Variants in TENM3 observed in about 807,000 individuals in gnomAD.
TENM3 encodes teneurin-3.
TENM3 carries 63 observed loss-of-function variants against 255.1 expected under a neutral mutation model. That is an observed-to-expected ratio of 0.25 (90% CI 0.20 to 0.30). The LOEUF (loss-of-function observed/expected upper bound fraction) is 0.30, where lower values mean the gene tolerates loss of function less well. Ranked by LOEUF, TENM3 falls within the 10% of genes least tolerant of loss-of-function variation. The probability of loss-of-function intolerance (pLI) is 1.00; values close to 1 mark genes in which losing one functional copy is unlikely to be tolerated. For synonymous variants in TENM3, 1,306 were observed against 1,322.3 expected, an observed-to-expected ratio of 0.99 and a Z score of 0.27; for missense variants, 2,929 against 3,461.1, an observed-to-expected ratio of 0.85 and a Z score of 3.86.
chr4:182,688,078 T>G (rs1445814795), intron 11 of TENM3, 88 bp from the exon 12 acceptor site: 6 of 1,258,080 alleles, frequency 4.8e-6, no homozygotes, highest in Middle Eastern at 2.0e-4. Context: ...TGAACAAATT[T>G]GTGTGGAAGA....
rs768189750 is a variant in TENM3 at position 182,792,461 on chromosome 4, A to G, written c.5789A>G (p.Glu1930Gly). The G allele has an allele frequency of 1.1e-5, 17 of 1,614,060 alleles. No homozygotes were observed. The Admixed American group carries it at 1.7e-4, about 16-fold the overall frequency. Residue 1930 changes from glutamate (E) to glycine (G), a missense_variant, in exon 26 of 28, where the codon GAG becomes GGG. By Grantham distance (98) the Glu-to-Gly change is moderately conservative (BLOSUM62 -2). Transcript: ENST00000511685. The surrounding 1 kb of genome is among the most constrained non-coding windows in gnomAD (Gnocchi z 6.3). ...GCCTCCATCATCACGGACTACAACG[A>G]GGAAGGGCTGCTTCTACAAACAGCT... Reference protein sequence around the residue: ...SNASIITDYNEEGLLLQTAFL... With the variant: ...SNASIITDYNGEGLLLQTAFL...
the TENM3 span, among the ~76,000 whole-genome samples, chr4:182,036,141 T>C: frequency 6.6e-6 from 1 of 152,128 alleles, no homozygotes; most frequent in Non-Finnish European, 1.5e-5. Flanking sequence ...TTCTGTGCTG[T>C]GGTCCTACAG....
In TENM3 at chr4:182,161,786, A is replaced by AATAT. The variant is rs1202629937; in HGVS notation, c.-76+17035_-76+17038dup. ...ATATATGTGTATATATATATACACA[A>AATAT]ATATATGTATATATATACACATATA... On this transcript the variant is annotated intron_variant, in intron 1 of 2. Transcript: ENST00000512480. Among the ~76,000 whole-genome samples the AATAT allele has an allele frequency of 1.1e-3, 20 of 18,492 alleles. 7 individuals carry two copies. The highest frequency in any genetic ancestry group is 1.8e-3 in the Non-Finnish European group (18 of 9,866). 12.1% of individuals were successfully genotyped at this position (18,492 alleles called of 152,430 possible).
intron 5 of TENM3, among the ~76,000 whole-genome samples, chr4:182,637,572 T>A (rs2152487424): frequency 6.6e-6 from 1 of 152,336 alleles, no homozygotes; most frequent in East Asian, 1.9e-4. Flanking sequence ...TCCAGTTTCT[T>A]CTTTAGTGAC....
chr4:181,796,245 T>C, the TENM3 span, among the ~76,000 whole-genome samples: 1 of 152,182 alleles, frequency 6.6e-6, no homozygotes, highest in Non-Finnish European at 1.5e-5. Context: ...CAAAAGTGTA[T>C]TAGACAGCCA....
intron 12 of TENM3, among the ~76,000 whole-genome samples, chr4:182,701,748 T>C (rs10434298): frequency 0.91 from 138,530 of 152,226 alleles, 63,449 homozygotes; most frequent in East Asian, 1. Context: ...AGTCTAGATA[T>C]GCAATTATGA....
the TENM3 span, among the ~76,000 whole-genome samples, chr4:181,899,622 C>A: frequency 6.6e-6 from 1 of 151,978 alleles, no homozygotes; most frequent in African/African-American, 2.4e-5. Context: ...GGCTGGAGTG[C>A]AGTGGCGCGA....
chr4:182,058,089 AT>A, the TENM3 span, among the ~76,000 whole-genome samples: 1 of 146,058 alleles, frequency 6.8e-6, no homozygotes, highest in African/African-American at 2.5e-5. Context: ...CTAATTCTTA[AT>A]TAAATAAGAA....
At chr4:181,644,407 T>A in the TENM3 span, among the ~76,000 whole-genome samples, 1 of 150,368 alleles carries the variant, frequency 6.7e-6, no homozygotes, top group Admixed American at 6.6e-5. Context: ...CAGAATTGCC[T>A]GCAAAAAGGT....
At chr4:181,643,510 A>T in the TENM3 span, among the ~76,000 whole-genome samples, 1 of 152,128 alleles carries the variant, frequency 6.6e-6, no homozygotes, top group African/African-American at 2.4e-5. Context: ...TGCCCTGGCC[A>T]GAGTGTTACT....
At chr4:181,518,278 A>G in the TENM3 span, among the ~76,000 whole-genome samples, 1 of 152,132 alleles carries the variant, frequency 6.6e-6, no homozygotes. Flanking sequence ...ACTAACAGAT[A>G]TGTAAACTGT....
At chr4:182,437,039 A>T (rs1234127464) in intron 3 of TENM3, among the ~76,000 whole-genome samples, 1 of 152,130 alleles carries the variant, frequency 6.6e-6, no homozygotes, top group Non-Finnish European at 1.5e-5. Flanking sequence ...CAAAAAAAAA[A>T]AAAAATGCAC....
intron 12 of TENM3, among the ~76,000 whole-genome samples, chr4:182,696,640 G>A (rs201811337): frequency 4.6e-5 from 7 of 151,920 alleles, no homozygotes; most frequent in Non-Finnish European, 1.0e-4. Context: ...CAGGAGAATC[G>A]CTTGAACCAG....
chr4:181,957,198 GCA>G, the TENM3 span, among the ~76,000 whole-genome samples: 31 of 152,270 alleles, frequency 2.0e-4, 1 homozygote, highest in East Asian at 6.0e-3. Flanking sequence ...ATGCTGTTCT[GCA>G]CAGTTTATTT....
At chr4:182,046,305 A>C in the TENM3 span, among the ~76,000 whole-genome samples, 2 of 152,184 alleles carry the variant, frequency 1.3e-5, no homozygotes, top group African/African-American at 4.8e-5. Context: ...TTTATATCTC[A>C]GTTTCTTAAT....
the TENM3 span, among the ~76,000 whole-genome samples, chr4:181,814,608 G>A: frequency 1.3e-5 from 2 of 152,074 alleles, no homozygotes. Flanking sequence ...GTGTGTGTGT[G>A]TGCATGCAAC....
chr4:181,460,678 C>CTTTTT, the TENM3 span, among the ~76,000 whole-genome samples: 12 of 136,852 alleles, frequency 8.8e-5, no homozygotes, highest in East Asian at 6.3e-4. Context: ...AGCTATAGTT[C>CTTTTT]TTTTTTTTTT....
At chr4:181,891,003 C>T in the TENM3 span, among the ~76,000 whole-genome samples, 4 of 152,148 alleles carry the variant, frequency 2.6e-5, no homozygotes, top group African/African-American at 9.7e-5. Context: ...ACAATCTAAG[C>T]ATTTTTGCTT....
the TENM3 span, among the ~76,000 whole-genome samples, chr4:181,641,052 G>C: frequency 1.7e-4 from 26 of 152,228 alleles, 1 homozygote; most frequent in South Asian, 1.2e-3. Context: ...ATTACTAAGA[G>C]ACTGTTTTAT....
Sources: gnomAD v4.1 joint callset for allele counts (sites outside exome capture counted in the v4.1 genomes callset) on GRCh38, gnomAD v4.1.1 for gene constraint, Gnocchi (gnomAD v3.1) non-coding constraint, MANE v1.5 for transcripts, NCBI Gene and HGNC (gene_info 2026-07-23, HGNC 2026-07-21) for gene names.